The following SLC13A2 variants were observed in gnomAD, a reference collection of about 807,000 sequenced individuals.
The protein encoded by SLC13A2 is solute carrier family 13 member 2.
SLC13A2 carries 40 observed loss-of-function variants against 58.5 expected under a neutral mutation model. That is an observed-to-expected ratio of 0.68 (90% CI 0.53 to 0.89). The LOEUF is 0.89. SLC13A2 is among the 40% of genes least tolerant of loss of function. The probability of loss-of-function intolerance (pLI) is 0.00; values close to 1 mark genes in which losing one functional copy is unlikely to be tolerated. For synonymous variants in SLC13A2, 341 were observed against 331.6 expected, an observed-to-expected ratio of 1.03 and a Z score of -0.31; for missense variants, 694 against 772.6, an observed-to-expected ratio of 0.90 and a Z score of 1.21.
rs782425937 is a variant in SLC13A2 at position 28,494,467 on chromosome 17, C to T, written c.1263C>T (p.Ile421=). The T allele has an allele frequency of 1.2e-5, 19 of 1,613,942 alleles. No homozygotes were observed. In the Admixed American group the frequency reaches 1.7e-4, roughly 14 times the overall value. Residue 421 remains isoleucine, a synonymous_variant, in exon 9 of 12, where the codon ATC becomes ATT. Coordinates refer to ENST00000314669, the MANE Select transcript of SLC13A2 (RefSeq NM_003984.4). The surrounding 1 kb of genome is among the most constrained non-coding windows in gnomAD (Gnocchi z 4.0). The part of the protein sequence containing the change: ...KTVNQKMPWN[I]VLLLGGGYAL... ...TGAACCAGAAGATGCCGTGGAATAT[C>T]GTGTTATTGCTGGGTGGTGGCTATG...
chr17:28,485,002 A>G (rs2068851476), intron 1 of SLC13A2, among the ~76,000 whole-genome samples: 1 of 152,138 alleles, frequency 6.6e-6, no homozygotes, highest in Non-Finnish European at 1.5e-5. Flanking sequence ...CACCTGAAAA[A>G]GAGAGACAGG....
At chr17:28,491,324 C>A in intron 4 of SLC13A2, 113 bp from the exon 5 acceptor site, 1 of 1,186,814 alleles carries the variant, frequency 8.4e-7, no homozygotes, top group Non-Finnish European at 1.2e-6. Flanking sequence ...CTCCTTCCAG[C>A]CCCGGTCTGG....
chr17:28,489,291 C>T lies in SLC13A2; in HGVS notation c.180C>T (p.Ala60=). 2 of 1,614,114 alleles carry T rather than the reference C, an allele frequency of 1.2e-6. No individual in the cohort carries two copies. Among genetic ancestry groups the T allele is most frequent in the Middle Eastern group, 1.6e-4 (1 of 6,062 alleles). The change falls in exon 2 of 12, where the codon GCC becomes GCT. Residue 60 remains alanine, a synonymous_variant. Transcript: ENST00000314669. ...CTEALPLAVT[A]LFPLILFPMM... ...AGGCCCTGCCCCTGGCCGTCACTGC[C>T]CTCTTCCCCTTAATCCTGTTCCCTA...
chr17:28,488,007 T>A (rs1053184346), intron 1 of SLC13A2, among the ~76,000 whole-genome samples: 16 of 152,292 alleles, frequency 1.1e-4, no homozygotes, highest in African/African-American at 3.9e-4. Context: ...CACTTTTTTT[T>A]AATAGTTCTG....
rs372621922 is a variant in SLC13A2, at chr17:28,490,602, C to T, written c.368+12C>T. On this transcript the variant is annotated intron_variant, in intron 3 of 11. Transcript: ENST00000314669. ...GTGCGGCCTGCCCCGTGAGTTCCTC[C>T]TGCAAACCAGCACGGGAGAACCTGA... is the stretch of plus-strand genomic sequence containing the variant. The T allele has an allele frequency of 6.3e-7, 1 of 1,593,298 alleles. No homozygotes were observed. The highest frequency in any genetic ancestry group is 8.6e-7 in the Non-Finnish European group (1 of 1,166,052).
chr17:28,489,276 C>T lies in SLC13A2; in HGVS notation c.165C>T (p.Pro55=). 1 of 1,614,126 alleles carries T rather than the reference C, an allele frequency of 6.2e-7. No individual in the cohort carries two copies. The part of the protein sequence containing the change: ...MALFWCTEAL[P]LAVTALFPLI... ...TCTTCTGGTGCACTGAGGCCCTGCC[C>T]CTGGCCGTCACTGCCCTCTTCCCCT... Residue 55 remains proline, a synonymous_variant, in exon 2 of 12, where the codon CCC becomes CCT. Transcript: ENST00000314669.
chr17:28,492,576 T>A (rs2069049853), intron 6 of SLC13A2, among the ~76,000 whole-genome samples: 3 of 152,182 alleles, frequency 2.0e-5, no homozygotes, highest in Admixed American at 2.0e-4. Flanking sequence ...AAAAGGAGCA[T>A]CAGGTCATGA....
rs2069019668 is a variant in SLC13A2 at position 28,491,506 on chromosome 17, T to C, written c.644T>C (p.Leu215Pro). 1 of 1,613,640 alleles carries C rather than the reference T, an allele frequency of 6.2e-7. No homozygotes were observed. Among genetic ancestry groups the C allele is most frequent in the South Asian group, 1.1e-5 (1 of 91,088 alleles). Residue 215 changes from leucine (L) to proline (P), a missense_variant, in exon 5 of 12, where the codon CTC (leucine) becomes CCC (proline). Physicochemically the swap from Leu to Pro is moderately conservative, Grantham distance 98. Coordinates refer to ENST00000314669, the MANE Select transcript of SLC13A2 (RefSeq NM_003984.4). ...AGGGCACATCTCAGCCAGAAGCATCTCCACCTCACCCAGTGCATGAGCCTG... is the reference window on the plus strand; with the variant it reads ...AGGGCACATCTCAGCCAGAAGCATCCCCACCTCACCCAGTGCATGAGCCTG... ...EGRAHLSQKH[L>P]HLTQCMSLCV...
chr17:28,490,337 G>A (rs782519792), intron 2 of SLC13A2, 117 bp from the exon 3 acceptor site: 21 of 1,607,846 alleles, frequency 1.3e-5, no homozygotes, highest in East Asian at 4.5e-5. Context: ...ATCCAGTTTC[G>A]AGAGCCCAGG....
chr17:28,473,767 T>C lies in SLC13A2; in HGVS notation c.55T>C (p.Phe19Leu). The C allele has an allele frequency of 6.2e-7, 1 of 1,614,182 alleles. No individual in the cohort carries two copies. The highest frequency in any genetic ancestry group is 8.5e-7 in the Non-Finnish European group (1 of 1,180,032). ...WAYRSYLIVF[F>L]VPILLLPLPI... is the part of the protein sequence containing the mutation. ...CTATCGCTCCTACCTGATCGTGTTC[T>C]TCGTGCCCATTCTCCTGCTGCCTCT... The change falls in exon 1 of 12, where the codon TTC becomes CTC. Residue 19 changes from phenylalanine (F) to leucine (L), a missense_variant. Physicochemically the swap from Phe to Leu is conservative, Grantham distance 22. Transcript: ENST00000314669.
At chr17:28,490,347 G>A (rs782651207) in intron 2 of SLC13A2, 107 bp from the exon 3 acceptor site, 2 of 1,613,136 alleles carry the variant, frequency 1.2e-6, no homozygotes, top group African/African-American at 2.7e-5. Flanking sequence ...GAGAGCCCAG[G>A]GGAATGCCAG....
At chr17:28,495,405 A>C (rs782537204) in intron 9 of SLC13A2, among the ~76,000 whole-genome samples, 10 of 151,994 alleles carry the variant, frequency 6.6e-5, no homozygotes, top group Non-Finnish European at 1.5e-5. Flanking sequence ...CAAGCCCCAA[A>C]TTTCCCAAGA....
At position 28,494,976 on chromosome 17, in the gene SLC13A2, A is replaced by G. The variant is rs984019085; in HGVS notation, c.1308+464A>G. Among the ~76,000 whole-genome samples, 2 of 152,046 alleles carry G rather than the reference A, an allele frequency of 1.3e-5. No homozygotes were observed. Among genetic ancestry groups the G allele is most frequent in the Non-Finnish European group, 2.9e-5 (2 of 68,006 alleles). On this transcript the variant is annotated intron_variant, in intron 9 of 11. Coordinates refer to ENST00000314669, the MANE Select transcript of SLC13A2 (RefSeq NM_003984.4). This position sits in a 1 kb window ranked among gnomAD's most constrained non-coding sequence, Gnocchi z 4.0. ...CATCCAAAAGAGGGAAATCCCTGACACGGCATCCCTGGGCCTCCGTGTTCT... is the reference window on the plus strand; with the variant it reads ...CATCCAAAAGAGGGAAATCCCTGACGCGGCATCCCTGGGCCTCCGTGTTCT...
chr17:28,479,214 A>G (rs2017745), intron 1 of SLC13A2, among the ~76,000 whole-genome samples: 3,701 of 152,284 alleles, frequency 0.024, 142 homozygotes, highest in African/African-American at 0.085. Context: ...CTCCTATCTC[A>G]AAAATAAATT....
At position 28,496,159 on chromosome 17, in the gene SLC13A2, C is replaced by A. The variant is rs1371027101; in HGVS notation, c.1471-291C>A. 2.0e-5 allele frequency among the ~76,000 whole-genome samples: 3 copies of A among 152,142 alleles called. No individual in the cohort carries two copies. Among genetic ancestry groups the A allele is most frequent in the Admixed American group, 6.5e-5 (1 of 15,272 alleles). On this transcript the variant is annotated intron_variant, in intron 10 of 11. Coordinates refer to ENST00000314669, the MANE Select transcript of SLC13A2 (RefSeq NM_003984.4). This position sits in a 1 kb window ranked among gnomAD's most constrained non-coding sequence, Gnocchi z 4.2. ...CGTCCCAAGCCCCTTCCTCCCCAGG[C>A]GTGTTCCTGCAGCCTTTGATGACAC...
chr17:28,486,879 C>T (rs1338775653), intron 1 of SLC13A2, among the ~76,000 whole-genome samples: 3 of 151,732 alleles, frequency 2.0e-5, no homozygotes, highest in Non-Finnish European at 2.9e-5. Flanking sequence ...CTCACTCCAG[C>T]CTCAACCTCC....
At chr17:28,491,059 T>C (rs1278398910) in intron 4 of SLC13A2, among the ~76,000 whole-genome samples, 153 bp downstream of exon 4, 6 of 152,188 alleles carry the variant, frequency 3.9e-5, no homozygotes, top group Non-Finnish European at 5.9e-5. Flanking sequence ...TTTCCTTTTT[T>C]AAAAAATGTC....
rs782322155 is a variant in SLC13A2, at chr17:28,490,818, G to T, written c.486G>T (p.Ser162=). The part of the protein sequence containing the change: ...AHAVLDQLHS[S]QASSNVEEGS... The stretch of plus-strand genomic sequence containing the variant: ...CCGTCCTGGACCAGCTGCACAGCTC[G>T]CAAGCCAGCAGCAACGTCGAGGAGG... The change falls in exon 4 of 12, where the codon TCG becomes TCT. Residue 162 remains serine (S), a synonymous_variant. Coordinates refer to ENST00000314669, the MANE Select transcript of SLC13A2 (RefSeq NM_003984.4). 6.2e-7 allele frequency: 1 copy of T among 1,613,924 alleles called. No homozygotes were observed. Among genetic ancestry groups the T allele is most frequent in the Non-Finnish European group, 8.5e-7 (1 of 1,179,982 alleles).
chr17:28,480,598 C>T (rs2068767201), intron 1 of SLC13A2, among the ~76,000 whole-genome samples: 1 of 152,186 alleles, frequency 6.6e-6, no homozygotes, highest in Admixed American at 6.5e-5. Context: ...GACCGAGCCT[C>T]TTCAAACCCT....
Sources: allele counts gnomAD v4.1 joint callset (sites outside exome capture counted in the v4.1 genomes callset), GRCh38; gene constraint gnomAD v4.1.1; non-coding constraint Gnocchi (gnomAD v3.1); transcripts MANE v1.5; gene names NCBI Gene and HGNC (gene_info 2026-07-23, HGNC 2026-07-21).